Variants in KCNMA1 observed in about 807,000 individuals in gnomAD.
KCNMA1 encodes potassium calcium-activated channel subfamily M alpha 1.
KCNMA1 carries 29 observed loss-of-function variants against 140.0 expected under a neutral mutation model. The observed-to-expected ratio is 0.21, with a 90% confidence interval of 0.15 to 0.28. KCNMA1 has a LOEUF of 0.28. Ranked by LOEUF, KCNMA1 falls within the 10% of genes least tolerant of loss-of-function variation. The pLI is 1.00. For synonymous variants in KCNMA1, 612 were observed against 611.9 expected, an observed-to-expected ratio of 1.00 and a Z score of 0.00; for missense variants, 880 against 1,602.2, an observed-to-expected ratio of 0.55 and a Z score of 7.70.
intron 25 of KCNMA1, among the ~76,000 whole-genome samples, chr10:76,908,458 C>A (rs2048710580): frequency 6.6e-6 from 1 of 152,162 alleles, no homozygotes; most frequent in African/African-American, 2.4e-5. Flanking sequence ...TTTTTAAATC[C>A]AAAATTCTGA....
intron 1 of KCNMA1, among the ~76,000 whole-genome samples, chr10:77,484,844 C>G (rs910587590): frequency 7.2e-5 from 11 of 152,228 alleles, no homozygotes; most frequent in Non-Finnish European, 1.3e-4. Context: ...TCTGCTCTGT[C>G]TAGCCTGCCT....
chr10:77,266,487 T>C (rs2063481911), intron 2 of KCNMA1, among the ~76,000 whole-genome samples: 1 of 152,210 alleles, frequency 6.6e-6, no homozygotes, highest in African/African-American at 2.4e-5. Flanking sequence ...GCGCACCCTC[T>C]CCAGCATTAC....
chr10:77,214,159 A>C (rs2046982479), intron 3 of KCNMA1, among the ~76,000 whole-genome samples: 1 of 152,164 alleles, frequency 6.6e-6, no homozygotes, highest in Non-Finnish European at 1.5e-5. Context: ...TCATGATCTC[A>C]AACTGCAAAT....
chr10:76,943,374 T>C (rs1390119045), intron 23 of KCNMA1, among the ~76,000 whole-genome samples: 2 of 152,122 alleles, frequency 1.3e-5, no homozygotes, highest in Non-Finnish European at 2.9e-5. Flanking sequence ...TCAGGCTGTA[T>C]CAGGGTGATG....
At chr10:77,397,209 T>C (rs1406275909) in intron 2 of KCNMA1, among the ~76,000 whole-genome samples, 1 of 152,196 alleles carries the variant, frequency 6.6e-6, no homozygotes, top group African/African-American at 2.4e-5. Flanking sequence ...AGTGTGACAC[T>C]CTTGCTACTC....
chr10:77,468,193 A>C (rs573436988), intron 1 of KCNMA1, among the ~76,000 whole-genome samples: 107 of 152,130 alleles, frequency 7.0e-4, no homozygotes, highest in African/African-American at 2.5e-3. Flanking sequence ...TTTTTGGTAG[A>C]GACAGGGTTT....
intron 2 of KCNMA1, among the ~76,000 whole-genome samples, chr10:77,387,192 C>T (rs2095633217): frequency 1.3e-5 from 2 of 152,190 alleles, no homozygotes; most frequent in African/African-American, 4.8e-5. Context: ...ACCCCCTCTG[C>T]TCTCCAAACA....
intron 5 of KCNMA1, 147 bp downstream of exon 5, chr10:77,183,274 T>C (rs563838453): frequency 1.4e-6 from 1 of 697,488 alleles, no homozygotes; most frequent in South Asian, 1.6e-5. Context: ...GCTGCCACCA[T>C]CAACTTCTAA....
At chr10:77,084,589 G>T in intron 12 of KCNMA1, 48 bp downstream of exon 12, 1 of 1,433,332 alleles carries the variant, frequency 7.0e-7, no homozygotes, top group Non-Finnish European at 9.8e-7. Flanking sequence ...GCCGTGAACA[G>T]CCACAGACTG....
chr10:76,995,540 A>G (rs2084001270), intron 19 of KCNMA1: 1 of 471,098 alleles, frequency 2.1e-6, no homozygotes, highest in Non-Finnish European at 4.4e-6. Flanking sequence ...TTGACAAGAA[A>G]GCTCAAGTGG....
intron 19 of KCNMA1, among the ~76,000 whole-genome samples, chr10:76,999,312 C>T (rs1047050816): frequency 6.6e-6 from 1 of 152,212 alleles, no homozygotes; most frequent in African/African-American, 2.4e-5. Flanking sequence ...TTGGCCAGTG[C>T]CAAGACATGA....
intron 1 of KCNMA1, among the ~76,000 whole-genome samples, chr10:77,479,234 C>A (rs2098337394): frequency 6.6e-6 from 1 of 152,218 alleles, no homozygotes; most frequent in Admixed American, 6.5e-5. Flanking sequence ...GAGATCATTT[C>A]TCTCTTTTCA....
intron 2 of KCNMA1, among the ~76,000 whole-genome samples, chr10:77,362,141 G>A (rs1054935489): frequency 6.6e-6 from 1 of 152,096 alleles, no homozygotes; most frequent in Admixed American, 6.5e-5. Flanking sequence ...CTCCCAGCAG[G>A]CTGGAGGAGG....
intron 14 of KCNMA1, among the ~76,000 whole-genome samples, chr10:77,041,753 G>T (rs1259620077): frequency 1.3e-5 from 2 of 152,184 alleles, no homozygotes; most frequent in Non-Finnish European, 1.5e-5. Context: ...TCCAGTGGGG[G>T]CATGGGTAAG....
At chr10:77,531,070 C>T (rs953038994) in intron 1 of KCNMA1, among the ~76,000 whole-genome samples, 19 of 152,144 alleles carry the variant, frequency 1.2e-4, no homozygotes, top group African/African-American at 4.3e-4. Context: ...AAGCTGTTTC[C>T]TACCATTTTA....
At chr10:77,177,775 C>T (rs1351845687) in intron 5 of KCNMA1, among the ~76,000 whole-genome samples, 1 of 152,148 alleles carries the variant, frequency 6.6e-6, no homozygotes, top group Non-Finnish European at 1.5e-5. Flanking sequence ...TCTCACTCCT[C>T]TGAACTCCCA....
At chr10:77,195,813 G>A (rs1169984446) in intron 3 of KCNMA1, among the ~76,000 whole-genome samples, 1 of 152,080 alleles carries the variant, frequency 6.6e-6, no homozygotes, top group Non-Finnish European at 1.5e-5. Flanking sequence ...GCTGGGAGTG[G>A]TGGTGAACAC....
intron 1 of KCNMA1, among the ~76,000 whole-genome samples, chr10:77,567,598 T>G (rs1461157631): frequency 6.6e-6 from 1 of 152,170 alleles, no homozygotes; most frequent in Non-Finnish European, 1.5e-5. Flanking sequence ...TAAAGGGAAA[T>G]CCAGATCCTT....
At chr10:77,360,381 T>A (rs1222016405) in intron 2 of KCNMA1, among the ~76,000 whole-genome samples, 2 of 147,936 alleles carry the variant, frequency 1.4e-5, no homozygotes, top group Non-Finnish European at 3.0e-5. Context: ...AACTATGTCG[T>A]CTGTGAGCCC....
Sources: allele counts gnomAD v4.1 joint callset (sites outside exome capture counted in the v4.1 genomes callset), GRCh38; gene constraint gnomAD v4.1.1; transcripts MANE v1.5; gene names NCBI Gene and HGNC (gene_info 2026-07-23, HGNC 2026-07-21).